RFLNA: variants seen among roughly 807,000 people sequenced by gnomAD.
The protein encoded by RFLNA is refilin A, also known as refilin-A.
RFLNA carries 5 observed loss-of-function variants against 7.8 expected under a neutral mutation model. That is an observed-to-expected ratio of 0.64 (90% CI 0.34 to 1.35). The LOEUF is 1.35. Among genes scored for constraint, RFLNA ranks in the 40% most tolerant of loss-of-function variants. The pLI is 0.04. For missense variants in RFLNA, 278 were observed against 305.5 expected, an observed-to-expected ratio of 0.91 and a Z score of 0.67; for synonymous variants, 141 against 131.3, an observed-to-expected ratio of 1.07 and a Z score of -0.50.
intron 1 of RFLNA, among the ~76,000 whole-genome samples, chr12:124,302,988 G>A (rs555822719): frequency 2.0e-5 from 3 of 152,184 alleles, no homozygotes; most frequent in African/African-American, 7.2e-5. Flanking sequence ...ACGGGGGAGG[G>A]GGGGCTCTGG....
At chr12:124,302,099 A>T (rs1417865349) in intron 1 of RFLNA, among the ~76,000 whole-genome samples, 4 of 152,160 alleles carry the variant, frequency 2.6e-5, no homozygotes, top group African/African-American at 9.7e-5. Flanking sequence ...CCCTCTTCTT[A>T]GAAAGACACC....
At chr12:124,294,383 C>T (rs2033868415), upstream of RFLNA, among the ~76,000 whole-genome samples, 1 of 152,102 alleles carries the variant, frequency 6.6e-6, no homozygotes, top group African/African-American at 2.4e-5. Context: ...GGGTGGGGGG[C>T]GTCTGTGTGG....
chr12:124,294,837 ATTAC>A (rs934367330), upstream of RFLNA, among the ~76,000 whole-genome samples: 6 of 152,256 alleles, frequency 3.9e-5, no homozygotes, highest in African/African-American at 1.4e-4. Flanking sequence ...GATGATGATG[ATTAC>A]TCGTATGTCT....
At position 124,295,313 on chromosome 12, in the gene RFLNA, G is replaced by C; in HGVS notation, c.-117G>C. ...CCGGGCCTGATCGCCGCCTCTCGCGGTGCCCGCAGGTCCCCGGGCGCGCAG... is the reference window on the plus strand; with the variant it reads ...CCGGGCCTGATCGCCGCCTCTCGCGCTGCCCGCAGGTCCCCGGGCGCGCAG... On this transcript the variant is annotated 5_prime_UTR_variant, in exon 1 of 3. Coordinates refer to ENST00000546355, the MANE Select transcript of RFLNA (RefSeq NM_001365156.1). 2.3e-6 allele frequency: 1 copy of C among 432,850 alleles called. No individual in the cohort carries two copies. The highest frequency in any genetic ancestry group is 3.5e-6 in the Non-Finnish European group (1 of 288,524). The allele number at this position is 432,850 out of a possible 1,614,324, so 26.8% of individuals were successfully genotyped here.
At chr12:124,290,347 CAT>C (rs1226991071), upstream of RFLNA, among the ~76,000 whole-genome samples, 4 of 150,884 alleles carry the variant, frequency 2.7e-5, no homozygotes, top group East Asian at 2.0e-4. This position sits in a 1 kb window ranked among gnomAD's most constrained non-coding sequence, Gnocchi z 4.0. Context: ...TATGTGTGTG[CAT>C]ATGTGTATGT....
At chr12:124,293,778 G>A (rs553229044), upstream of RFLNA, among the ~76,000 whole-genome samples, 1 of 152,162 alleles carries the variant, frequency 6.6e-6, no homozygotes. Context: ...TCAGTGTCCG[G>A]CATGCACCTT....
chr12:124,301,955 C>G (rs1264890323), intron 1 of RFLNA, among the ~76,000 whole-genome samples: 1 of 152,130 alleles, frequency 6.6e-6, no homozygotes. Context: ...GAGCTGACGG[C>G]GGGGGCACGC....
intron 1 of RFLNA, among the ~76,000 whole-genome samples, chr12:124,309,763 T>C (rs2034205447): frequency 6.6e-6 from 1 of 152,150 alleles, no homozygotes; most frequent in South Asian, 2.1e-4. Context: ...CCAATCTCAA[T>C]GGCATCAAAG....
At chr12:124,298,902 C>G (rs140213568) in intron 1 of RFLNA, among the ~76,000 whole-genome samples, 1 of 152,202 alleles carries the variant, frequency 6.6e-6, no homozygotes, top group Non-Finnish European at 1.5e-5. Flanking sequence ...ATGGCCTGTT[C>G]GGGTGATGGG....
At chr12:124,304,443 C>T (rs1361923150) in intron 1 of RFLNA, among the ~76,000 whole-genome samples, 4 of 152,196 alleles carry the variant, frequency 2.6e-5, no homozygotes, top group Admixed American at 6.5e-5. Flanking sequence ...CTTCCCGGGC[C>T]AGCCTGTGAA....
At position 124,306,798 on chromosome 12, in the gene RFLNA, G is replaced by C. The variant is rs1170777747; in HGVS notation, c.208-5020G>C. ...CATCCTCATTGTCCAGGCAGGTATG[G>C]GGGCGGCGGGGAGGGGACAGATGTA... On this transcript the variant is annotated intron_variant, in intron 1 of 2. Coordinates refer to ENST00000546355, the MANE Select transcript of RFLNA (RefSeq NM_001365156.1). This position sits in a 1 kb window ranked among gnomAD's most constrained non-coding sequence, Gnocchi z 5.2. Among the ~76,000 whole-genome samples the C allele has an allele frequency of 6.6e-6, 1 of 152,146 alleles. No homozygotes were observed. The highest frequency in any genetic ancestry group is 1.5e-5 in the Non-Finnish European group (1 of 68,020).
Position 124,311,806 on chromosome 12 carries a change from C to T in RFLNA, c.208-12C>T. ...GGGCTGCATAACCCCGTGTCCCTGG[C>T]TCTCCCCACAGCCCCCCTCCCAACT... On this transcript the variant is annotated splice_polypyrimidine_tract_variant and intron_variant, in intron 1 of 2. Coordinates refer to ENST00000546355, the MANE Select transcript of RFLNA (RefSeq NM_001365156.1). The T allele has an allele frequency of 1.3e-6, 2 of 1,566,432 alleles. No individual in the cohort carries two copies. The highest frequency in any genetic ancestry group is 8.6e-7 in the Non-Finnish European group (1 of 1,156,636).
chr12:124,299,500 A>C (rs1042922762), intron 1 of RFLNA, among the ~76,000 whole-genome samples: 1 of 151,922 alleles, frequency 6.6e-6, no homozygotes, highest in Non-Finnish European at 1.5e-5. Flanking sequence ...CTTATCCCTC[A>C]CCCTCTTCCC....
In RFLNA at chr12:124,313,449, C is replaced by T. The variant is rs371708900; in HGVS notation, c.318-743C>T. 1.3e-4 allele frequency among the ~76,000 whole-genome samples: 20 copies of T among 152,256 alleles called. No individual in the cohort carries two copies. In the South Asian group the frequency reaches 1.9e-3, roughly 14 times the overall value. On this transcript the variant is annotated intron_variant, in intron 2 of 2. Transcript: ENST00000546355. ...ATCCCAGCACTTTGGGAGGCCGAGG[C>T]GGGCGGATCACGAGGTCAGGAGATC...
chr12:124,290,364 ATTTGTGTG>A (rs1187306950), upstream of RFLNA, among the ~76,000 whole-genome samples: 2 of 148,362 alleles, frequency 1.3e-5, no homozygotes, highest in Non-Finnish European at 3.0e-5. This position sits in a 1 kb window ranked among gnomAD's most constrained non-coding sequence, Gnocchi z 4.0. Flanking sequence ...GTATGTGTGT[ATTTGTGTG>A]TTTGTGTATA....
rs2034132254 is a variant in RFLNA, at chr12:124,306,086, C to A, written c.208-5732C>A. Among the ~76,000 whole-genome samples the A allele has an allele frequency of 6.6e-6, 1 of 152,128 alleles. No individual in the cohort carries two copies. The highest frequency in any genetic ancestry group is 6.5e-5 in the Admixed American group (1 of 15,272). On this transcript the variant is annotated intron_variant, in intron 1 of 2. Transcript: ENST00000546355. The surrounding 1 kb of genome is among the most constrained non-coding windows in gnomAD (Gnocchi z 5.2). Reference sequence around the variant, plus strand: ...TGCCAAACTTGAGGACAGGTATGGGCCCATACTCGGGGCTCTCTGGGTTGG... The same window carrying A: ...TGCCAAACTTGAGGACAGGTATGGGACCATACTCGGGGCTCTCTGGGTTGG...
Position 124,314,738 on chromosome 12 carries a change from G to GTA in RFLNA, c.*214_*215dup. 1.2e-6 allele frequency: 1 copy of GTA among 838,258 alleles called. No homozygotes were observed. Among genetic ancestry groups the GTA allele is most frequent in the Non-Finnish European group, 2.0e-6 (1 of 510,198 alleles). The allele number at this position is 838,258 out of a possible 1,614,324, so 51.9% of individuals were successfully genotyped here. On this transcript the variant is annotated 3_prime_UTR_variant, in exon 3 of 3. Transcript: ENST00000546355. Reference sequence around the variant, plus strand: ...TCCTTGTTTTGGTGTCAAGGACTCAGTAAAAGCATCTATTTTTTTAGCACT... The same window carrying GTA: ...TCCTTGTTTTGGTGTCAAGGACTCAGTATAAAAGCATCTATTTTTTTAGCACT...
At chr12:124,307,795 C>T (rs538812994) in intron 1 of RFLNA, among the ~76,000 whole-genome samples, 6 of 152,146 alleles carry the variant, frequency 3.9e-5, no homozygotes, top group Non-Finnish European at 8.8e-5. Flanking sequence ...AAACAGAACT[C>T]TATTCTCGCA....
chr12:124,310,379 T>G (rs1593038488), intron 1 of RFLNA, among the ~76,000 whole-genome samples: 1 of 143,594 alleles, frequency 7.0e-6, no homozygotes, highest in African/African-American at 2.6e-5. Flanking sequence ...GAGGGAAGAG[T>G]GGGGTAGGGG....
Sources: allele counts gnomAD v4.1 joint callset (sites outside exome capture counted in the v4.1 genomes callset), GRCh38; gene constraint gnomAD v4.1.1; non-coding constraint Gnocchi (gnomAD v3.1); transcripts MANE v1.5; gene names NCBI Gene and HGNC (gene_info 2026-07-23, HGNC 2026-07-21).